Variants in TNFRSF11A observed in about 807,000 individuals in gnomAD.
The protein encoded by TNFRSF11A is TNF receptor superfamily member 11a, also known as tumor necrosis factor receptor superfamily member 11A.
A neutral mutation model predicts 55.7 loss-of-function variants in TNFRSF11A; 32 were observed. The ratio of observed to expected loss-of-function variants is 0.57; its 90% confidence interval spans 0.43 to 0.77. The LOEUF is 0.77. Ranked by LOEUF, TNFRSF11A falls within the 30% of genes least tolerant of loss-of-function variation. The pLI is 0.00. For synonymous variants in TNFRSF11A, 311 were observed against 331.0 expected (o/e 0.94, Z 0.65); for missense variants, 753 against 809.8 (o/e 0.93, Z 0.85).
chr18:62,325,470 T>C lies in TNFRSF11A; in HGVS notation c.75+43T>C. 8.5e-7 allele frequency: 1 copy of C among 1,170,924 alleles called. No homozygotes were observed. Among genetic ancestry groups the C allele is most frequent in the South Asian group, 2.2e-5 (1 of 46,354 alleles). The allele number at this position is 1,170,924 out of a possible 1,614,324, so 72.5% of individuals were successfully genotyped here. A position where few individuals can be genotyped will look rare whatever the true frequency, so the allele number is the denominator to read the frequency against. On this transcript the variant is annotated intron_variant, in intron 1 of 9. Coordinates refer to ENST00000586569, the MANE Select transcript of TNFRSF11A (RefSeq NM_003839.4). This position sits in a 1 kb window ranked among gnomAD's most constrained non-coding sequence, Gnocchi z 4.7. ...CTGCCGGGCCGCGCGGCCCGACGCC[T>C]CCTCGGGAGCCCCGGGAAGGGCCGG... is the stretch of plus-strand genomic sequence containing the variant.
chr18:62,353,008 T>C (rs140621098), intron 3 of TNFRSF11A, among the ~76,000 whole-genome samples: 47 of 152,288 alleles, frequency 3.1e-4, no homozygotes, highest in African/African-American at 9.6e-4. Flanking sequence ...ACAAGGTCTG[T>C]TTTAAATAAT....
intron 9 of TNFRSF11A, chr18:62,374,161 A>G (rs1432001833): frequency 1.3e-5 from 2 of 152,222 alleles, no homozygotes; most frequent in African/African-American, 2.4e-5. Flanking sequence ...TAAAACATCA[A>G]TGCACTATTT....
At chr18:62,344,007 T>C (rs2046348839) in intron 1 of TNFRSF11A, among the ~76,000 whole-genome samples, 1 of 152,192 alleles carries the variant, frequency 6.6e-6, no homozygotes, top group Non-Finnish European at 1.5e-5. Flanking sequence ...TCAAATTATA[T>C]TCCCCAAAAC....
intron 9 of TNFRSF11A, among the ~76,000 whole-genome samples, chr18:62,384,394 TCCC>T (rs1256504247): frequency 3.0e-5 from 3 of 100,792 alleles, no homozygotes; most frequent in South Asian, 4.1e-4. Context: ...CCCCTCCTCC[TCCC>T]CCCTTCTTGT....
rs1039510356 is a variant in TNFRSF11A, at chr18:62,386,192, T to A, written c.*1158T>A. The stretch of plus-strand genomic sequence containing the variant: ...ATTCTAGAGGTCTCTCTGGAAAAGA[T>A]GGAGAAAATGAACAGGACATGGGGC... On this transcript the variant is annotated 3_prime_UTR_variant, in exon 10 of 10. Coordinates refer to ENST00000586569, the MANE Select transcript of TNFRSF11A (RefSeq NM_003839.4). 3 of 152,010 alleles carry A rather than the reference T, an allele frequency of 2.0e-5. No individual in the cohort carries two copies. The South Asian group carries it at 6.2e-4, about 32-fold the overall frequency. 9.4% of individuals were successfully genotyped at this position (152,010 alleles called of 1,614,324 possible).
chr18:62,378,000 G>A (rs1035863056), intron 9 of TNFRSF11A: 6 of 152,126 alleles, frequency 3.9e-5, no homozygotes, highest in African/African-American at 1.2e-4. Flanking sequence ...CATTCAGTGG[G>A]AAGAGTTACC....
At chr18:62,358,099 A>G in intron 4 of TNFRSF11A, 149 bp from the exon 5 acceptor site, 2 of 700,966 alleles carry the variant, frequency 2.9e-6, no homozygotes, top group East Asian at 2.6e-5. Flanking sequence ...AGTTAGACAC[A>G]GGGGTGGGCA....
At chr18:62,364,946 G>A (rs1482668864) in intron 7 of TNFRSF11A, among the ~76,000 whole-genome samples, 5 of 151,992 alleles carry the variant, frequency 3.3e-5, no homozygotes, top group Non-Finnish European at 5.9e-5. Flanking sequence ...AACTTTAGTC[G>A]GTTTTGTTTT....
chr18:62,369,320 C>A lies in TNFRSF11A; in HGVS notation c.1403C>A (p.Pro468His). 1 of 1,610,318 alleles carries A rather than the reference C, an allele frequency of 6.2e-7. No individual in the cohort carries two copies. The highest frequency in any genetic ancestry group is 8.5e-7 in the Non-Finnish European group (1 of 1,178,272). ...EPLVGSPKRGPLPQCAYGMGL... is the reference protein window; with the variant it reads ...EPLVGSPKRGHLPQCAYGMGL... ...CTCGTGGGTTCCCCAAAACGTGGAC[C>A]CTTGCCCCAGTGCGCCTATGGCATG... Residue 468 changes from proline to histidine, a missense_variant, in exon 9 of 10, where the codon CCC becomes CAC. Pro to His is a moderately conservative substitution (Grantham distance 77, BLOSUM62 -2). Coordinates refer to ENST00000586569, the MANE Select transcript of TNFRSF11A (RefSeq NM_003839.4).
rs541818824 is a variant in TNFRSF11A, at chr18:62,383,290, C to T, written c.1568-1461C>T. 2.6e-5 allele frequency among the ~76,000 whole-genome samples: 4 copies of T among 152,278 alleles called. No individual in the cohort carries two copies. The highest frequency in any genetic ancestry group is 7.2e-5 in the African/African-American group (3 of 41,570). ...GCTTTTCCTTGTGTTTTGGTCTTGG[C>T]TTCTCTAGAGGTTACCCAGTGGGTC... On this transcript the variant is annotated intron_variant, in intron 9 of 9. Transcript: ENST00000586569. The surrounding 1 kb of genome is among the most constrained non-coding windows in gnomAD (Gnocchi z 4.2).
chr18:62,353,890 C>T (rs1235678895), intron 3 of TNFRSF11A, among the ~76,000 whole-genome samples: 4 of 152,162 alleles, frequency 2.6e-5, no homozygotes, highest in Non-Finnish European at 1.5e-5. Context: ...CTGGGCCTGC[C>T]TCTGTACCCT....
Position 62,348,271 on chromosome 18 carries a change from C to T in TNFRSF11A, c.157+22C>T, listed in dbSNP as rs770587660. On this transcript the variant is annotated intron_variant, in intron 2 of 9. Transcript: ENST00000586569. ...CCAGGTACACCTGCTTCTGAGCCAC[C>T]TTGCATTGCCCCTCAAAAGTGGGTG... The T allele has an allele frequency of 5.6e-6, 9 of 1,604,686 alleles. No homozygotes were observed. The South Asian group carries it at 9.9e-5, about 18-fold the overall frequency.
At chr18:62,338,750 G>A (rs902538967) in intron 1 of TNFRSF11A, among the ~76,000 whole-genome samples, 26 of 152,252 alleles carry the variant, frequency 1.7e-4, no homozygotes, top group African/African-American at 5.8e-4. Flanking sequence ...AGTGGCAATC[G>A]TTGCTACTTA....
In TNFRSF11A at chr18:62,383,183, T is replaced by C. The variant is rs1392073521; in HGVS notation, c.1568-1568T>C. On this transcript the variant is annotated intron_variant, in intron 9 of 9. Coordinates refer to ENST00000586569, the MANE Select transcript of TNFRSF11A (RefSeq NM_003839.4). This position sits in a 1 kb window ranked among gnomAD's most constrained non-coding sequence, Gnocchi z 4.2. The stretch of plus-strand genomic sequence containing the variant: ...GAAGGACATCCCACACAACTGCCCA[T>C]GGGAGAAACAGCATGAGGCACAGAC... Among the ~76,000 whole-genome samples, 1 of 152,168 alleles carries C rather than the reference T, an allele frequency of 6.6e-6. No individual in the cohort carries two copies. Among genetic ancestry groups the C allele is most frequent in the African/African-American group, 2.4e-5 (1 of 41,456 alleles).
rs1388441648 is a variant in TNFRSF11A, at chr18:62,389,357, G to C, written c.*4323G>C. The C allele has an allele frequency of 6.6e-6, 1 of 152,386 alleles. No homozygotes were observed. Among genetic ancestry groups the C allele is most frequent in the African/African-American group, 2.4e-5 (1 of 41,450 alleles). The allele number at this position is 152,386 out of a possible 1,614,324, so 9.4% of individuals were successfully genotyped here. A position where few individuals can be genotyped will look rare whatever the true frequency, so the allele number is the denominator to read the frequency against. ...CTGACACTGGGCAGTGGCGGTGCCA[G>C]CAGTGAGCACAGGCGGGGTCTAGGT... On this transcript the variant is annotated 3_prime_UTR_variant, in exon 10 of 10. Coordinates refer to ENST00000586569, the MANE Select transcript of TNFRSF11A (RefSeq NM_003839.4).
intron 9 of TNFRSF11A, among the ~76,000 whole-genome samples, chr18:62,369,891 CT>C (rs1348631355): frequency 1.3e-5 from 2 of 152,118 alleles, no homozygotes; most frequent in African/African-American, 4.8e-5. Flanking sequence ...CACCTTAGGC[CT>C]CTTAAATCTC....
chr18:62,356,624 C>T (rs1243688541), intron 4 of TNFRSF11A, among the ~76,000 whole-genome samples: 1 of 152,204 alleles, frequency 6.6e-6, no homozygotes, highest in Non-Finnish European at 1.5e-5. Flanking sequence ...AACAAGTCAG[C>T]CTGATCGCAG....
chr18:62,377,195 G>A (rs750711368), intron 9 of TNFRSF11A, among the ~76,000 whole-genome samples: 4 of 152,180 alleles, frequency 2.6e-5, no homozygotes, highest in Non-Finnish European at 4.4e-5. Flanking sequence ...GATTATAGGC[G>A]TGAGCCACCG....
At chr18:62,341,679 A>G (rs1157049235) in intron 1 of TNFRSF11A, among the ~76,000 whole-genome samples, 1 of 152,170 alleles carries the variant, frequency 6.6e-6, no homozygotes, top group East Asian at 1.9e-4. Context: ...TTCAGCTTTG[A>G]ATTGAGGAGG....
Sources: gnomAD v4.1 joint callset for allele counts (sites outside exome capture counted in the v4.1 genomes callset) on GRCh38, gnomAD v4.1.1 for gene constraint, Gnocchi (gnomAD v3.1) non-coding constraint, MANE v1.5 for transcripts, NCBI Gene and HGNC (gene_info 2026-07-23, HGNC 2026-07-21) for gene names.